UGT2B15: variants seen among roughly 807,000 people sequenced by gnomAD.
UGT2B15 encodes UDP-glucuronosyltransferase 2B15.
In UGT2B15, 36 loss-of-function variants were observed where a neutral mutation model predicts 45.9. The ratio of observed to expected loss-of-function variants is 0.78; its 90% CI spans 0.60 to 1.04. The LOEUF (loss-of-function observed/expected upper bound fraction) is 1.04. UGT2B15 is among the 50% of genes least tolerant of loss of function. The pLI is 0.00. For missense variants in UGT2B15, 617 were observed against 622.4 expected (o/e 0.99, Z 0.09); for synonymous variants, 219 against 216.4 (o/e 1.01, Z -0.11).
chr4:68,660,491 A>G (rs990931550), intron 3 of UGT2B15, among the ~76,000 whole-genome samples: 1 of 151,822 alleles, frequency 6.6e-6, no homozygotes, highest in African/African-American at 2.4e-5. Flanking sequence ...TTAAAAGCCT[A>G]TGTAAATAAA....
rs1427700225 is a variant in UGT2B15 at position 68,650,381 on chromosome 4, T to A, written c.1314-2998A>T. The stretch of plus-strand genomic sequence containing the variant: ...ATTCTCATTGTTCAACTCCCTCTTA[T>A]AAGTGAGAACATGTGGTGTTTGGTT... On this transcript the variant is annotated intron_variant, in intron 5 of 5. Coordinates refer to ENST00000338206, the MANE Select transcript of UGT2B15 (RefSeq NM_001076.4). 1.2e-4 allele frequency among the ~76,000 whole-genome samples: 19 copies of A among 152,126 alleles called. No individual in the cohort carries two copies. In the South Asian group the frequency reaches 3.7e-3, roughly 30 times the overall value.
chr4:68,661,679 T>C (rs1341906656), intron 3 of UGT2B15, among the ~76,000 whole-genome samples: 1 of 152,138 alleles, frequency 6.6e-6, no homozygotes, highest in Non-Finnish European at 1.5e-5. Flanking sequence ...ATATGTAGTA[T>C]GTGTAATTTC....
In UGT2B15 at chr4:68,656,359, C is replaced by T. The variant is rs544386467; in HGVS notation, c.1006-1177G>A. ...ACTAGCTGGACTTAATTTCTCCTTA[C>T]CATTACAGTGCTTAGTGATCACATT... is the stretch of plus-strand genomic sequence containing the variant. On this transcript the variant is annotated intron_variant, in intron 3 of 5. Coordinates refer to ENST00000338206, the MANE Select transcript of UGT2B15 (RefSeq NM_001076.4). Among the ~76,000 whole-genome samples the T allele has an allele frequency of 2.2e-3, 327 of 151,202 alleles. 1 individual carries two copies. The highest frequency in any genetic ancestry group is 7.8e-3 in the African/African-American group (322 of 41,258).
chr4:68,669,797 T>A lies in UGT2B15; in HGVS notation c.724+98A>T, dbSNP rs576541637. On this transcript the variant is annotated intron_variant, in intron 1 of 5. Transcript: ENST00000338206. Reference sequence around the variant, plus strand: ...TACATTTGCAATTCATAATTTCCCTTAAAAACACTATCTTCTGACATTATA... The same window carrying A: ...TACATTTGCAATTCATAATTTCCCTAAAAAACACTATCTTCTGACATTATA... 9 of 1,475,032 alleles carry A rather than the reference T, an allele frequency of 6.1e-6. No individual in the cohort carries two copies. The African/African-American group carries it at 1.3e-4, about 21-fold the overall frequency. The allele number at this position is 1,475,032 out of a possible 1,614,324, so 91.4% of individuals were successfully genotyped here.
At chr4:68,662,126 GT>G (rs35601514) in intron 3 of UGT2B15, among the ~76,000 whole-genome samples, 432 of 151,442 alleles carry the variant, frequency 2.9e-3, no homozygotes, top group African/African-American at 0.01. Flanking sequence ...AGAGGGCTAT[GT>G]CAGATAAGAA....
At chr4:68,668,316 T>A in intron 1 of UGT2B15, 128 bp from the exon 2 acceptor site, 2 of 1,319,410 alleles carry the variant, frequency 1.5e-6, no homozygotes, top group South Asian at 3.4e-5. Flanking sequence ...TGTGCATTGA[T>A]AAAATATATA....
In UGT2B15 at chr4:68,647,416, A is replaced by C. The variant is rs769766547; in HGVS notation, c.1314-33T>G. 18 of 1,582,930 alleles carry C rather than the reference A, an allele frequency of 1.1e-5. No homozygotes were observed. The African/African-American group carries it at 2.4e-4, about 21-fold the overall frequency. On this transcript the variant is annotated intron_variant, in intron 5 of 5. Transcript: ENST00000338206. Reference sequence around the variant, plus strand: ...ATAAATATAAAGATATCAACATTAAAAGTAAATTTATTGCTTAAGCATATC... The same window carrying C: ...ATAAATATAAAGATATCAACATTAACAGTAAATTTATTGCTTAAGCATATC...
intron 5 of UGT2B15, among the ~76,000 whole-genome samples, chr4:68,649,436 C>T (rs1402414827): frequency 6.6e-6 from 1 of 151,478 alleles, no homozygotes; most frequent in East Asian, 1.9e-4. Context: ...TCATCCCCTA[C>T]ATCTGGCTAA....
intron 3 of UGT2B15, 79 bp from the exon 4 acceptor site, chr4:68,655,261 T>C: frequency 6.7e-7 from 1 of 1,482,676 alleles, no homozygotes; most frequent in Non-Finnish European, 9.4e-7. Context: ...AAGAGATTAA[T>C]AATCAGTTAG....
intron 3 of UGT2B15, among the ~76,000 whole-genome samples, chr4:68,660,272 G>C (rs990983766): frequency 1.4e-4 from 21 of 149,784 alleles, no homozygotes; most frequent in African/African-American, 5.1e-4. Context: ...TCATCTATAA[G>C]GTCCCTGTAC....
chr4:68,663,019 T>A lies in UGT2B15; in HGVS notation c.994A>T (p.Ile332Phe). The change falls in exon 3 of 6, where the codon ATC becomes TTC. Residue 332 changes from isoleucine (I) to phenylalanine (F), a missense_variant. Ile to Phe is a conservative substitution (Grantham distance 21, BLOSUM62 0). Around this residue, in one of 3 missense-constraint regions of UGT2B15, gnomAD observed 265 missense variants for 245.1 expected, o/e 1.08. Coordinates refer to ENST00000338206, the MANE Select transcript of UGT2B15 (RefSeq NM_001076.4). ...ANMIASALAQ[I>F]PQKVLWRFDG... ...GCACTTTATCTAACCTTTTGTGGGA[T>A]CTGGGCAAGGGCTGATGCAATCATG... 1 of 1,512,844 alleles carries A rather than the reference T, an allele frequency of 6.6e-7. No individual in the cohort carries two copies. The highest frequency in any genetic ancestry group is 9.0e-7 in the Non-Finnish European group (1 of 1,115,846). 93.7% of individuals were successfully genotyped at this position (1,512,844 alleles called of 1,614,324 possible).
At chr4:68,660,357 C>A (rs1578198077) in intron 3 of UGT2B15, among the ~76,000 whole-genome samples, 1 of 151,568 alleles carries the variant, frequency 6.6e-6, no homozygotes, top group African/African-American at 2.4e-5. Flanking sequence ...ATTTTGGAAC[C>A]CCAAGAGGAG....
Position 68,668,044 on chromosome 4 carries a change from G to C in UGT2B15, c.869C>G (p.Pro290Arg). 4.3e-6 allele frequency: 7 copies of C among 1,613,882 alleles called. No homozygotes were observed. Among genetic ancestry groups the C allele is most frequent in the Non-Finnish European group, 5.9e-6 (7 of 1,179,882 alleles). The change falls in exon 2 of 6, where the codon CCT (proline) becomes CGT (arginine). Residue 290 changes from proline to arginine, a missense_variant. Pro to Arg is a moderately radical substitution (Grantham distance 103). Around this residue, in one of 3 missense-constraint regions of UGT2B15, gnomAD observed 351 missense variants for 342.1 expected, o/e 1.03. Transcript: ENST00000338206. ...ATGAAACAAGAATACATTTACCTTA[G>C]GCAGGGGTTTGGCTGGTTTACAGTG... is the stretch of plus-strand genomic sequence containing the variant. The part of the protein sequence containing the change: ...GLHCKPAKPL[P>R]KEMEEFVQSS...
At position 68,668,107 on chromosome 4, in the gene UGT2B15, C is replaced by A. The variant is rs367595613; in HGVS notation, c.806G>T (p.Arg269Leu). 4 of 1,613,668 alleles carry A rather than the reference C, an allele frequency of 2.5e-6. No individual in the cohort carries two copies. The Admixed American group carries it at 6.7e-5, about 27-fold the overall frequency. ...AAAATCAACATTTGGTAAGAATGGG[C>A]GAGGAAATTCAAAATCCCAATAGGT... ...IRTYWDFEFP[R>L]PFLPNVDFVG... The change falls in exon 2 of 6, where the codon CGC (arginine) becomes CTC (leucine). Residue 269 changes from arginine (R) to leucine (L), a missense_variant. Coordinates refer to ENST00000338206, the MANE Select transcript of UGT2B15 (RefSeq NM_001076.4).
At chr4:68,658,253 G>A (rs2109827462) in intron 3 of UGT2B15, among the ~76,000 whole-genome samples, 1 of 151,912 alleles carries the variant, frequency 6.6e-6, no homozygotes, top group East Asian at 1.9e-4. Flanking sequence ...ATATATAAAA[G>A]AGCTCTAATT....
intron 2 of UGT2B15, among the ~76,000 whole-genome samples, chr4:68,664,247 G>A (rs1311325290): frequency 2.2e-5 from 3 of 137,262 alleles, no homozygotes; most frequent in Middle Eastern, 3.8e-3. Flanking sequence ...ATGCCACATC[G>A]CTCAATGTAT....
chr4:68,651,591 T>C (rs1449739796), intron 5 of UGT2B15, among the ~76,000 whole-genome samples: 1 of 152,050 alleles, frequency 6.6e-6, no homozygotes, highest in Non-Finnish European at 1.5e-5. Flanking sequence ...TTTCTCCATA[T>C]GGCTAGCCAG....
At chr4:68,664,606 A>T (rs1733065916) in intron 2 of UGT2B15, among the ~76,000 whole-genome samples, 1 of 151,360 alleles carries the variant, frequency 6.6e-6, no homozygotes, top group African/African-American at 2.4e-5. Context: ...TTTCTCTGTC[A>T]CCCAGGCTGG....
rs1340741578 is a variant in UGT2B15 at position 68,667,677 on chromosome 4, T to C, written c.873+363A>G. On this transcript the variant is annotated intron_variant, in intron 2 of 5. Transcript: ENST00000338206. ...ATCTTTCAAAGTACAATGTAAGGCA[T>C]GAGGGAGCAGAAACTGTGCTACCTT... is the stretch of plus-strand genomic sequence containing the variant. Among the ~76,000 whole-genome samples the C allele has an allele frequency of 3.3e-5, 5 of 152,194 alleles. No individual in the cohort carries two copies. In the South Asian group the frequency reaches 6.2e-4, roughly 19 times the overall value.
Sources: gnomAD v4.1 joint callset for allele counts (sites outside exome capture counted in the v4.1 genomes callset) on GRCh38, gnomAD v4.1.1 for gene constraint, gnomAD v4.1.1 regional missense constraint, MANE v1.5 for transcripts, NCBI Gene and HGNC (gene_info 2026-07-23, HGNC 2026-07-21) for gene names.